The following GRIN2C variants were observed in gnomAD, a reference collection of about 807,000 sequenced individuals.
GRIN2C encodes glutamate ionotropic receptor NMDA type subunit 2C.
In GRIN2C, 64 loss-of-function variants were observed where a neutral mutation model predicts 77.7. The observed-to-expected ratio is 0.82, with a 90% CI of 0.67 to 1.01. The LOEUF is 1.01. Ranked by LOEUF, GRIN2C falls within the 50% of genes least tolerant of loss-of-function variation. The pLI, the probability that GRIN2C is intolerant of heterozygous loss-of-function variation, is 0.00. For missense variants in GRIN2C, 1,549 were observed against 1,486.0 expected (o/e 1.04, Z -0.70); for synonymous variants, 792 against 643.4 (o/e 1.23, Z -3.49).
At chr17:74,848,076 G>A in intron 7 of GRIN2C, 99 bp from the exon 8 acceptor site, 2 of 1,360,866 alleles carry the variant, frequency 1.5e-6, no homozygotes, top group Non-Finnish European at 2.1e-6. Context: ...GATCAAAGTA[G>A]GGGCCCACCA....
In GRIN2C at chr17:74,852,292, G is replaced by GCCTCGGCGAAGAGCA. The variant is rs2037673854; in HGVS notation, c.704_718dup (p.Val235_Glu239dup). ...GGGCCCCACCAGACCGGCCTGCGCCGCCTCGGCGAAGAGCACCTCGGCCTC... is the reference window on the plus strand; with the variant it reads ...GGGCCCCACCAGACCGGCCTGCGCCGCCTCGGCGAAGAGCACCTCGGCGAAGAGCACCTCGGCCTC... On this transcript the variant is annotated inframe_insertion, in exon 3 of 13. Transcript: ENST00000293190. 7 of 1,423,604 alleles carry GCCTCGGCGAAGAGCA rather than the reference G, an allele frequency of 4.9e-6. No individual in the cohort carries two copies. In the Admixed American group the frequency reaches 1.9e-4, roughly 39 times the overall value. The allele number at this position is 1,423,604 out of a possible 1,614,324, so 88.2% of individuals were successfully genotyped here. A position where few individuals can be genotyped will look rare whatever the true frequency, so the allele number is the denominator to read the frequency against.
chr17:74,857,893 T>A (rs1206616263), intron 1 of GRIN2C, among the ~76,000 whole-genome samples: 1 of 152,252 alleles, frequency 6.6e-6, no homozygotes, highest in Non-Finnish European at 1.5e-5. Context: ...TGATTACATG[T>A]TGAAATAATA....
rs1459806115 is a variant in GRIN2C at position 74,852,534 on chromosome 17, C to A, written c.477G>T (p.Glu159Asp). The A allele has an allele frequency of 1.3e-6, 2 of 1,567,094 alleles. No individual in the cohort carries two copies. Among genetic ancestry groups the A allele is most frequent in the Non-Finnish European group, 1.7e-6 (2 of 1,164,226 alleles). The change falls in exon 3 of 13, where the codon GAG (glutamate) becomes GAT (aspartate). Residue 159 changes from glutamate (E) to aspartate (D), a missense_variant. By Grantham distance (45) the Glu-to-Asp change is conservative. Coordinates refer to ENST00000293190, the MANE Select transcript of GRIN2C (RefSeq NM_000835.6). ...QLQVLFKVLE[E>D]YDWSAFAVIT... ...TGACGGCGAAGGCGCTCCAGTCGTA[C>A]TCTTCCAGCACCTTGAACAGCACCT...
At position 74,852,060 on chromosome 17, in the gene GRIN2C, G is replaced by A; in HGVS notation, c.951C>T (p.Cys317=). The A allele has an allele frequency of 6.8e-7, 1 of 1,460,248 alleles. No individual in the cohort carries two copies. Among genetic ancestry groups the A allele is most frequent in the Non-Finnish European group, 9.0e-7 (1 of 1,105,328 alleles). 90.5% of individuals were successfully genotyped at this position (1,460,248 alleles called of 1,614,324 possible). A position where few individuals can be genotyped will look rare whatever the true frequency, so the allele number is the denominator to read the frequency against. Residue 317 remains cysteine, a synonymous_variant, in exon 3 of 13, where the codon TGC becomes TGT. Transcript: ENST00000293190. The part of the protein sequence containing the change: ...HGTLPAPAGD[C]RVHPGPVSPA... ...GGCTGACGGGCCCAGGGTGAACACG[G>A]CAGTCCCCGGCCGGGGCTGGCAGGG...
chr17:74,851,638 C>A lies in GRIN2C; in HGVS notation c.1052G>T (p.Gly351Val), dbSNP rs867207163. ...EGRDFSFSPG[G>V]YLVQPTMVVI... is the part of the protein sequence containing the mutation. ...CACCATGGTGGGCTGGACCAGGTAC[C>A]CACCAGGGCTGAAGGAGAAGTCTCG... Residue 351 changes from glycine (G) to valine (V), a missense_variant, in exon 4 of 13, where the codon GGG (glycine) becomes GTG (valine). This residue lies in a region of GRIN2C where 717 missense variants were observed against 858.1 expected (regional missense o/e 0.84). Coordinates refer to ENST00000293190, the MANE Select transcript of GRIN2C (RefSeq NM_000835.6). 1.9e-6 allele frequency: 3 copies of A among 1,574,266 alleles called. No individual in the cohort carries two copies. The highest frequency in any genetic ancestry group is 1.7e-6 in the Non-Finnish European group (2 of 1,159,110).
chr17:74,843,557 G>C lies in GRIN2C; in HGVS notation c.2584-4C>G, dbSNP rs1231398367. 1 of 1,532,350 alleles carries C rather than the reference G, an allele frequency of 6.5e-7. No homozygotes were observed. Among genetic ancestry groups the C allele is most frequent in the Non-Finnish European group, 8.7e-7 (1 of 1,146,174 alleles). The allele number at this position is 1,532,350 out of a possible 1,614,324, so 94.9% of individuals were successfully genotyped here. A position where few individuals can be genotyped will look rare whatever the true frequency, so the allele number is the denominator to read the frequency against. On this transcript the variant is annotated splice_region_variant and splice_polypyrimidine_tract_variant and intron_variant, in intron 12 of 12. Transcript: ENST00000293190. ...CGCTGAAGCAGCTGTAGATGCCCTGGGCAGTAGGGAGACGACAGGCCGTAA... is the reference window on the plus strand; with the variant it reads ...CGCTGAAGCAGCTGTAGATGCCCTGCGCAGTAGGGAGACGACAGGCCGTAA...
intron 12 of GRIN2C, 57 bp from the exon 13 acceptor site, chr17:74,843,610 A>T (rs1369279720): frequency 6.6e-7 from 1 of 1,521,262 alleles, no homozygotes; most frequent in Non-Finnish European, 8.8e-7. Flanking sequence ...GGGACCCGCC[A>T]CGATTGTCCC....
Position 74,847,276 on chromosome 17 carries a change from C to G in GRIN2C, c.2001+32G>C. On this transcript the variant is annotated intron_variant, in intron 9 of 12. Coordinates refer to ENST00000293190, the MANE Select transcript of GRIN2C (RefSeq NM_000835.6). This position sits in a 1 kb window ranked among gnomAD's most constrained non-coding sequence, Gnocchi z 5.2. The stretch of plus-strand genomic sequence containing the variant: ...CGGCCTGTCCCCACCCTCAGTGCCC[C>G]CCCCCACCCCCAGCAGCTATGGCCC... 2 of 991,068 alleles carry G rather than the reference C, an allele frequency of 2.0e-6. No individual in the cohort carries two copies. The highest frequency in any genetic ancestry group is 1.3e-5 in the South Asian group (1 of 78,036). The allele number at this position is 991,068 out of a possible 1,614,324, so 61.4% of individuals were successfully genotyped here.
At position 74,852,424 on chromosome 17, in the gene GRIN2C, A is replaced by G. The variant is rs1326025187; in HGVS notation, c.587T>C (p.Leu196Pro). Reference sequence around the variant, plus strand: ...GCCCAGCTCCAGCGTGACCACGTCCAGCAGCCGCCAACTCACGTGGCTGGC... The same window carrying G: ...GCCCAGCTCCAGCGTGACCACGTCCGGCAGCCGCCAACTCACGTGGCTGGC... ...ADASHVSWRL[L>P]DVVTLELGPG... The change falls in exon 3 of 13, where the codon CTG becomes CCG. Residue 196 changes from leucine (L) to proline (P), a missense_variant. Around this residue, in one of 3 missense-constraint regions of GRIN2C, gnomAD observed 382 missense variants for 360.0 expected, o/e 1.06. Transcript: ENST00000293190. The G allele has an allele frequency of 2.0e-6, 3 of 1,519,016 alleles. No individual in the cohort carries two copies. In the African/African-American group the frequency reaches 4.3e-5, roughly 22 times the overall value. The allele number at this position is 1,519,016 out of a possible 1,614,324, so 94.1% of individuals were successfully genotyped here.
rs1567890906 is a variant in GRIN2C, at chr17:74,847,037, G to T, written c.2002-117C>A. On this transcript the variant is annotated intron_variant, in intron 9 of 12. Coordinates refer to ENST00000293190, the MANE Select transcript of GRIN2C (RefSeq NM_000835.6). The surrounding 1 kb of genome is among the most constrained non-coding windows in gnomAD (Gnocchi z 5.2). ...TGGACTTGCATAGTCAGAGCAGAAGGTCTTAAAGGCTGTCCAGGCCACTCC... is the reference window on the plus strand; with the variant it reads ...TGGACTTGCATAGTCAGAGCAGAAGTTCTTAAAGGCTGTCCAGGCCACTCC... 2 of 1,123,122 alleles carry T rather than the reference G, an allele frequency of 1.8e-6. No individual in the cohort carries two copies. Among genetic ancestry groups the T allele is most frequent in the Non-Finnish European group, 2.5e-6 (2 of 793,604 alleles). 69.6% of individuals were successfully genotyped at this position (1,123,122 alleles called of 1,614,324 possible). A position where few individuals can be genotyped will look rare whatever the true frequency, so the allele number is the denominator to read the frequency against.
chr17:74,849,787 G>A lies in GRIN2C; in HGVS notation c.1638C>T (p.Ala546=). The change falls in exon 7 of 13, where the codon GCC becomes GCT. Residue 546 remains alanine (A), a synonymous_variant. Coordinates refer to ENST00000293190, the MANE Select transcript of GRIN2C (RefSeq NM_000835.6). The surrounding 1 kb of genome is among the most constrained non-coding windows in gnomAD (Gnocchi z 4.6). ...ARSNGTVSPS[A]FLEPYSPAVW... ...GCCCACCCTGGGCCTCACCCAAGAAGGCCGAGGGGGAGACGGTGCCATTGC... is the reference window on the plus strand; with the variant it reads ...GCCCACCCTGGGCCTCACCCAAGAAAGCCGAGGGGGAGACGGTGCCATTGC... 6.2e-7 allele frequency: 1 copy of A among 1,611,990 alleles called. No individual in the cohort carries two copies. The highest frequency in any genetic ancestry group is 8.5e-7 in the Non-Finnish European group (1 of 1,179,402).
rs1018572279 is a variant in GRIN2C at position 74,850,503 on chromosome 17, C to T, written c.1325+53G>A. On this transcript the variant is annotated intron_variant, in intron 5 of 12. Coordinates refer to ENST00000293190, the MANE Select transcript of GRIN2C (RefSeq NM_000835.6). This position sits in a 1 kb window ranked among gnomAD's most constrained non-coding sequence, Gnocchi z 5.3. ...AGCATGGGACATACACGACACCTGA[C>T]CATCACACGGCAGCACCCAGCTCAC... The T allele has an allele frequency of 2.5e-6, 4 of 1,582,242 alleles. No individual in the cohort carries two copies. Among genetic ancestry groups the T allele is most frequent in the Admixed American group, 3.3e-5 (2 of 59,944 alleles).
chr17:74,847,924 C>G lies in GRIN2C; in HGVS notation c.1699G>C (p.Val567Leu). The change falls in exon 8 of 13, where the codon GTG becomes CTG. Residue 567 changes from valine (V) to leucine (L), a missense_variant. Val to Leu is a conservative substitution (Grantham distance 32). Coordinates refer to ENST00000293190, the MANE Select transcript of GRIN2C (RefSeq NM_000835.6). This position sits in a 1 kb window ranked among gnomAD's most constrained non-coding sequence, Gnocchi z 5.2. ...VMMFVMCLTV[V>L]AITVFMFEYF... The stretch of plus-strand genomic sequence containing the variant: ...TCGAACATGAAGACGGTGATGGCCA[C>G]CACAGTGAGGCACATGACAAACATC... 6.2e-7 allele frequency: 1 copy of G among 1,614,030 alleles called. No individual in the cohort carries two copies. The highest frequency in any genetic ancestry group is 8.5e-7 in the Non-Finnish European group (1 of 1,179,904).
Position 74,850,571 on chromosome 17 carries a change from C to T in GRIN2C, c.1310G>A (p.Ser437Asn). 1 of 1,613,644 alleles carries T rather than the reference C, an allele frequency of 6.2e-7. No individual in the cohort carries two copies. Among genetic ancestry groups the T allele is most frequent in the Non-Finnish European group, 8.5e-7 (1 of 1,180,004 alleles). ...VPNTVPCRRQSNHTFSSGDVA... is the reference protein window; with the variant it reads ...VPNTVPCRRQNNHTFSSGDVA... ...CTCCACAGACCTGAAGGTGTGGTTG[C>T]TCTGCCTGCGGCAGGGCACGGTGTT... Residue 437 changes from serine to asparagine, a missense_variant, in exon 5 of 13, where the codon AGC becomes AAC. Physicochemically the swap from Ser to Asn is conservative, Grantham distance 46 (BLOSUM62 1). Around this residue, in one of 3 missense-constraint regions of GRIN2C, gnomAD observed 717 missense variants for 858.1 expected, o/e 0.84. Coordinates refer to ENST00000293190, the MANE Select transcript of GRIN2C (RefSeq NM_000835.6). This position sits in a 1 kb window ranked among gnomAD's most constrained non-coding sequence, Gnocchi z 5.3.
In GRIN2C at chr17:74,843,343, G is replaced by C; in HGVS notation, c.2794C>G (p.Pro932Ala). Residue 932 changes from proline (P) to alanine (A), a missense_variant, in exon 13 of 13, where the codon CCG (proline) becomes GCG (alanine). This residue lies in a region of GRIN2C where 450 missense variants were observed against 267.9 expected (regional missense o/e 1.68). Transcript: ENST00000293190. ...NWGGGRRAPPPSPCPTPRSGP... is the reference protein window; with the variant it reads ...NWGGGRRAPPASPCPTPRSGP... ...GACCGCGGGGTCGGGCAGGGGGACG[G>C]TGGGGGCGCACGGCGGCCGCCACCC... is the stretch of plus-strand genomic sequence containing the variant. 2.0e-6 allele frequency: 3 copies of C among 1,511,868 alleles called. No individual in the cohort carries two copies. Among genetic ancestry groups the C allele is most frequent in the Non-Finnish European group, 2.7e-6 (3 of 1,129,470 alleles). 93.7% of individuals were successfully genotyped at this position (1,511,868 alleles called of 1,614,324 possible).
At chr17:74,845,752 G>T (rs2037435109) in intron 11 of GRIN2C, among the ~76,000 whole-genome samples, 3 of 152,060 alleles carry the variant, frequency 2.0e-5, no homozygotes, top group African/African-American at 7.2e-5. Context: ...TCTTGGGAGG[G>T]GTCTTAGGGA....
chr17:74,848,112 C>CCAG, intron 7 of GRIN2C, 135 bp from the exon 8 acceptor site: 1 of 900,882 alleles, frequency 1.1e-6, no homozygotes. Context: ...CCAAGGGGGC[C>CCAG]TCTGACTCAG....
At chr17:74,857,976 G>C (rs907153299) in intron 1 of GRIN2C, among the ~76,000 whole-genome samples, 1 of 152,182 alleles carries the variant, frequency 6.6e-6, no homozygotes, top group Non-Finnish European at 1.5e-5. Context: ...TTGTTTTAAT[G>C]TGGTTACTAG....
chr17:74,850,485 G>C lies in GRIN2C; in HGVS notation c.1325+71C>G. ...ACCCCTGCCCCACACCCAAGCATGG[G>C]ACATACACGACACCTGACCATCACA... On this transcript the variant is annotated intron_variant, in intron 5 of 12. Coordinates refer to ENST00000293190, the MANE Select transcript of GRIN2C (RefSeq NM_000835.6). This position sits in a 1 kb window ranked among gnomAD's most constrained non-coding sequence, Gnocchi z 5.3. The C allele has an allele frequency of 6.4e-7, 1 of 1,564,552 alleles. No homozygotes were observed. The highest frequency in any genetic ancestry group is 1.1e-5 in the South Asian group (1 of 90,084).
Sources: gnomAD v4.1 joint callset for allele counts (sites outside exome capture counted in the v4.1 genomes callset) on GRCh38, gnomAD v4.1.1 for gene constraint, gnomAD v4.1.1 regional missense constraint, Gnocchi (gnomAD v3.1) non-coding constraint, MANE v1.5 for transcripts, NCBI Gene and HGNC (gene_info 2026-07-23, HGNC 2026-07-21) for gene names.